The following LDLRAP1 variants were observed in gnomAD, a reference collection of about 807,000 sequenced individuals.
The protein encoded by LDLRAP1 is low density lipoprotein receptor adapter protein 1.
A neutral mutation model predicts 37.8 loss-of-function variants in LDLRAP1; 30 were observed. That is an observed-to-expected ratio of 0.79 (90% CI 0.59 to 1.08). LDLRAP1 has a LOEUF of 1.08. Ranked by LOEUF, LDLRAP1 falls within the 50% of genes least tolerant of loss-of-function variation. LDLRAP1 has a pLI of 0.00. For synonymous variants in LDLRAP1, 156 were observed against 169.8 expected (o/e 0.92, Z 0.63); for missense variants, 375 against 401.6 (o/e 0.93, Z 0.57).
the LDLRAP1 span, among the ~76,000 whole-genome samples, chr1:25,584,826 G>A: frequency 6.6e-6 from 1 of 152,152 alleles, no homozygotes. Context: ...TCTTTACCCT[G>A]GCTCTGAACC....
At chr1:25,583,633 T>A in the LDLRAP1 span, among the ~76,000 whole-genome samples, 1 of 152,212 alleles carries the variant, frequency 6.6e-6, no homozygotes, top group Non-Finnish European at 1.5e-5. Flanking sequence ...TTGACATAAA[T>A]TTGGAAAACT....
chr1:25,549,172 T>C (rs1213498321), intron 1 of LDLRAP1, among the ~76,000 whole-genome samples: 1 of 152,286 alleles, frequency 6.6e-6, no homozygotes, highest in Non-Finnish European at 1.5e-5. Flanking sequence ...CAGAAACTTC[T>C]GGTGACGCTC....
chr1:25,561,708 G>C (rs917533620), intron 4 of LDLRAP1, among the ~76,000 whole-genome samples: 5 of 152,190 alleles, frequency 3.3e-5, no homozygotes, highest in African/African-American at 1.2e-4. Context: ...ATATGGGCTG[G>C]GGATAGGTCC....
rs2124636407 is a variant in LDLRAP1, at chr1:25,544,634, CT to C, written c.88+850del. 6.6e-6 allele frequency among the ~76,000 whole-genome samples: 1 copy of C among 152,250 alleles called. No individual in the cohort carries two copies. Among genetic ancestry groups the C allele is most frequent in the East Asian group, 1.9e-4 (1 of 5,156 alleles). On this transcript the variant is annotated intron_variant, in intron 1 of 8. Transcript: ENST00000374338. The surrounding 1 kb of genome is among the most constrained non-coding windows in gnomAD (Gnocchi z 4.8). ...CCAGTCTCTGATTACGCTCAGGGAA[CT>C]TGTCACCTGGCACCTTCCCCTGAAG...
chr1:25,549,396 A>G (rs1572025190), intron 1 of LDLRAP1, among the ~76,000 whole-genome samples: 1 of 152,166 alleles, frequency 6.6e-6, no homozygotes, highest in Non-Finnish European at 1.5e-5. Context: ...TTGCAGACAC[A>G]CCAGCCAGGC....
At chr1:25,573,185 G>T (rs556560894), downstream of LDLRAP1, among the ~76,000 whole-genome samples, 17 of 152,290 alleles carry the variant, frequency 1.1e-4, no homozygotes, top group South Asian at 3.1e-3. Context: ...GAGACAAGTT[G>T]TGTCTTACCA....
Position 25,554,835 on chromosome 1 carries a change from C to T in LDLRAP1, c.232-25C>T. On this transcript the variant is annotated intron_variant, in intron 2 of 8. Coordinates refer to ENST00000374338, the MANE Select transcript of LDLRAP1 (RefSeq NM_015627.3). This position sits in a 1 kb window ranked among gnomAD's most constrained non-coding sequence, Gnocchi z 5.4. ...GGGTCTCAAGTGAGGCTGGCAGACT[C>T]CTCTGACTCCTGTCTGCTCCCAAGG... is the stretch of plus-strand genomic sequence containing the variant. 6.3e-7 allele frequency: 1 copy of T among 1,582,262 alleles called. No homozygotes were observed. The highest frequency in any genetic ancestry group is 8.7e-7 in the Non-Finnish European group (1 of 1,152,124).
intron 7 of LDLRAP1, chr1:25,564,895 C>T (rs1480029017): frequency 1.5e-5 from 7 of 478,478 alleles, no homozygotes; most frequent in South Asian, 1.2e-4. Context: ...CAAGGTCTCA[C>T]GGGCAGGTAG....
chr1:25,545,182 G>T (rs959488669), intron 1 of LDLRAP1, among the ~76,000 whole-genome samples: 4 of 152,220 alleles, frequency 2.6e-5, no homozygotes, highest in Non-Finnish European at 5.9e-5. Context: ...ATGGCCATCT[G>T]TTCCAGTGGG....
chr1:25,563,033 G>A (rs2044381678), intron 5 of LDLRAP1, 37 bp from the exon 6 acceptor site: 1 of 1,588,712 alleles, frequency 6.3e-7, no homozygotes, highest in Non-Finnish European at 8.6e-7. Flanking sequence ...GAGTGCTGGG[G>A]TCTGAGGCTC....
At chr1:25,571,038 C>T (rs772701691), downstream of LDLRAP1, among the ~76,000 whole-genome samples, 7 of 152,180 alleles carry the variant, frequency 4.6e-5, no homozygotes, top group South Asian at 2.1e-4. Context: ...CACATCCACT[C>T]GGGGATCTGG....
chr1:25,548,764 C>G (rs1473723855), intron 1 of LDLRAP1, among the ~76,000 whole-genome samples: 3 of 152,184 alleles, frequency 2.0e-5, no homozygotes, highest in Non-Finnish European at 2.9e-5. Flanking sequence ...GCCTCGACCT[C>G]CTGGGCTCAA....
At chr1:25,550,359 A>G (rs1292618766) in intron 1 of LDLRAP1, among the ~76,000 whole-genome samples, 1 of 152,206 alleles carries the variant, frequency 6.6e-6, no homozygotes, top group East Asian at 1.9e-4. Flanking sequence ...TCTTAGGATT[A>G]AGGCCTTGCT....
At chr1:25,575,566 G>GCCT in the LDLRAP1 span, among the ~76,000 whole-genome samples, 1 of 152,044 alleles carries the variant, frequency 6.6e-6, no homozygotes, top group Admixed American at 6.6e-5. Flanking sequence ...CTGTACTCCA[G>GCCT]CCTCGGCCAC....
chr1:25,571,603 G>C (rs1385250115), downstream of LDLRAP1, among the ~76,000 whole-genome samples: 1 of 152,228 alleles, frequency 6.6e-6, no homozygotes, highest in Non-Finnish European at 1.5e-5. Context: ...GCGGTTACAT[G>C]ATCAGCCAGC....
At position 25,567,024 on chromosome 1, in the gene LDLRAP1, TG is replaced by T; in HGVS notation, c.*33del. ...GGGGCCAGCCGGACACAAGCGGCCC[TG>T]ACACGTGATGGACCAAAGCCACCTG... On this transcript the variant is annotated 3_prime_UTR_variant, in exon 9 of 9. Coordinates refer to ENST00000374338, the MANE Select transcript of LDLRAP1 (RefSeq NM_015627.3). 1 of 1,612,690 alleles carries T rather than the reference TG, an allele frequency of 6.2e-7. No individual in the cohort carries two copies. Among genetic ancestry groups the T allele is most frequent in the Non-Finnish European group, 8.5e-7 (1 of 1,179,772 alleles).
At chr1:25,553,787 AAAG>A in intron 1 of LDLRAP1, 132 bp from the exon 2 acceptor site, 2 of 1,004,968 alleles carry the variant, frequency 2.0e-6, no homozygotes, top group Non-Finnish European at 2.9e-6. Flanking sequence ...AAAAAAAAAA[AAAG>A]AGTGGCAGTA....
At chr1:25,553,770 C>CAAAAAA in intron 1 of LDLRAP1, 152 bp from the exon 2 acceptor site, 3 of 600,018 alleles carry the variant, frequency 5.0e-6, no homozygotes, top group Non-Finnish European at 5.3e-6. Flanking sequence ...AACTCAGTCT[C>CAAAAAA]AAAAAAAAAA....
chr1:25,562,963 G>A, intron 5 of LDLRAP1, 107 bp from the exon 6 acceptor site: 1 of 1,107,896 alleles, frequency 9.0e-7, no homozygotes, highest in Non-Finnish European at 1.4e-6. Flanking sequence ...CTGGAAACCT[G>A]AAACTGCCCC....
Sources: gnomAD v4.1 joint callset for allele counts (sites outside exome capture counted in the v4.1 genomes callset) on GRCh38, gnomAD v4.1.1 for gene constraint, Gnocchi (gnomAD v3.1) non-coding constraint, MANE v1.5 for transcripts, NCBI Gene and HGNC (gene_info 2026-07-23, HGNC 2026-07-21) for gene names.